The following TECRL variants were observed in gnomAD, a reference collection of about 807,000 sequenced individuals.
The protein encoded by TECRL is trans-2,3-enoyl-CoA reductase-like.
A neutral mutation model predicts 52.8 loss-of-function variants in TECRL; 63 were observed. The observed-to-expected ratio is 1.19, with a 90% confidence interval of 0.97 to 1.47. The LOEUF is 1.47. Among genes scored for constraint, TECRL ranks in the 40% most tolerant of loss-of-function variants. The probability of loss-of-function intolerance (pLI) is 0.00; values close to 1 mark genes in which losing one functional copy is unlikely to be tolerated. For synonymous variants in TECRL, 164 were observed against 141.9 expected, an observed-to-expected ratio of 1.16 and a Z score of -1.10; for missense variants, 482 against 429.6, an observed-to-expected ratio of 1.12 and a Z score of -1.08.
chr4:64,338,087 T>C (rs1719251577), intron 2 of TECRL, among the ~76,000 whole-genome samples: 1 of 152,026 alleles, frequency 6.6e-6, no homozygotes, highest in Non-Finnish European at 1.5e-5. Flanking sequence ...AAGAGAGATA[T>C]AGACCAATGG....
chr4:64,313,051 A>C (rs1031896911), intron 5 of TECRL, among the ~76,000 whole-genome samples: 1 of 152,078 alleles, frequency 6.6e-6, no homozygotes, highest in East Asian at 1.9e-4. Flanking sequence ...TTTTTTCTTT[A>C]TAAATTACTC....
intron 2 of TECRL, among the ~76,000 whole-genome samples, chr4:64,365,260 C>A (rs1251956569): frequency 6.6e-6 from 1 of 150,836 alleles, no homozygotes; most frequent in Non-Finnish European, 1.5e-5. Flanking sequence ...TAATGAAAAC[C>A]ATGTTTGCCA....
chr4:64,367,888 G>A (rs193047999), intron 2 of TECRL, among the ~76,000 whole-genome samples: 1 of 152,014 alleles, frequency 6.6e-6, no homozygotes, highest in East Asian at 1.9e-4. Flanking sequence ...TATCTCTTTT[G>A]TTATGCTCAA....
intron 9 of TECRL, among the ~76,000 whole-genome samples, chr4:64,283,960 A>G (rs944113617): frequency 1.3e-5 from 2 of 152,048 alleles, no homozygotes; most frequent in Admixed American, 1.3e-4. Context: ...TTATATCACA[A>G]TATAAACTAC....
At chr4:64,276,980 C>G, downstream of TECRL, 1 of 1,323,752 alleles carries the variant, frequency 7.6e-7, no homozygotes, top group Non-Finnish European at 1.0e-6. Context: ...ATACCTGTAG[C>G]ATTAATATTG....
At chr4:64,368,097 G>A (rs1721727509) in intron 2 of TECRL, among the ~76,000 whole-genome samples, 2 of 152,058 alleles carry the variant, frequency 1.3e-5, no homozygotes, top group African/African-American at 2.4e-5. Flanking sequence ...GGACCTTCCT[G>A]ACTAAAGTTC....
intron 6 of TECRL, 105 bp from the exon 7 acceptor site, chr4:64,305,343 A>C (rs1027170756): frequency 4.4e-6 from 4 of 912,244 alleles, no homozygotes; most frequent in Non-Finnish European, 6.8e-6. Flanking sequence ...TGAAACCACC[A>C]CATACATTTA....
Position 64,333,680 on chromosome 4 carries a change from A to G in TECRL, c.287-5124T>C, listed in dbSNP as rs963120260. 6.6e-5 allele frequency among the ~76,000 whole-genome samples: 10 copies of G among 152,156 alleles called. 1 individual carries two copies. Among genetic ancestry groups the G allele is most frequent in the Non-Finnish European group, 1.3e-4 (9 of 68,024 alleles). On this transcript the variant is annotated intron_variant, in intron 2 of 11. Transcript: ENST00000381210. ...CACAAAACAAAATTAAGGAATAGGA[A>G]GTATTAGTTGGGGAATGGAATGCTA...
downstream of TECRL, chr4:64,276,696 T>C: frequency 5.7e-6 from 1 of 176,626 alleles, no homozygotes; most frequent in Non-Finnish European, 1.2e-5. Flanking sequence ...GTTACTTAGA[T>C]ATGTGGCAAA....
chr4:64,397,475 G>A (rs1042465706), intron 1 of TECRL, among the ~76,000 whole-genome samples: 2 of 151,350 alleles, frequency 1.3e-5, no homozygotes, highest in African/African-American at 2.4e-5. Flanking sequence ...GGGAGGTGGC[G>A]CCTTTGTGAG....
intron 2 of TECRL, among the ~76,000 whole-genome samples, chr4:64,339,046 A>C (rs1236624461): frequency 1.3e-5 from 2 of 152,016 alleles, no homozygotes; most frequent in African/African-American, 4.8e-5. Context: ...ATGTCCAACA[A>C]TGATAGACTG....
intron 2 of TECRL, among the ~76,000 whole-genome samples, chr4:64,351,589 A>C (rs1720391879): frequency 6.6e-6 from 1 of 152,104 alleles, no homozygotes; most frequent in Non-Finnish European, 1.5e-5. Flanking sequence ...ACAACTTTAA[A>C]TTTTCCCAAT....
At chr4:64,375,837 T>C (rs971685283) in intron 1 of TECRL, among the ~76,000 whole-genome samples, 5 of 151,856 alleles carry the variant, frequency 3.3e-5, no homozygotes, top group African/African-American at 1.2e-4. Flanking sequence ...AAAAAATGAA[T>C]AAAATATTTT....
Position 64,409,299 on chromosome 4 carries a change from G to A in TECRL, c.53C>T (p.Ser18Phe). 1.2e-6 allele frequency: 2 copies of A among 1,613,818 alleles called. No homozygotes were observed. Among genetic ancestry groups the A allele is most frequent in the African/African-American group, 1.3e-5 (1 of 75,008 alleles). ...CAGTATGAACCGTGTAGCTCTTTGGGAAAGTAATGCTCTCTTGCGTTCCGA... is the reference window on the plus strand; with the variant it reads ...CAGTATGAACCGTGTAGCTCTTTGGAAAAGTAATGCTCTCTTGCGTTCCGA... ...LASERKRALL[S>F]QRATRFILKD... Residue 18 changes from serine (S) to phenylalanine (F), a missense_variant, in exon 1 of 12, where the codon TCC (serine) becomes TTC (phenylalanine). By Grantham distance (155) the Ser-to-Phe change is radical. Coordinates refer to ENST00000381210, the MANE Select transcript of TECRL (RefSeq NM_001010874.5).
At chr4:64,310,263 G>T (rs545527109) in intron 5 of TECRL, among the ~76,000 whole-genome samples, 14 of 152,070 alleles carry the variant, frequency 9.2e-5, no homozygotes, top group Non-Finnish European at 1.8e-4. Flanking sequence ...GAAATACTTC[G>T]ACTGAAACAG....
intron 2 of TECRL, among the ~76,000 whole-genome samples, chr4:64,351,984 C>G (rs1369030017): frequency 1.6e-5 from 2 of 123,076 alleles, no homozygotes; most frequent in Non-Finnish European, 3.7e-5. Context: ...GCATTTGGAT[C>G]AAGGCCTACC....
At chr4:64,308,188 A>G (rs1560486387) in intron 6 of TECRL, among the ~76,000 whole-genome samples, 1 of 152,176 alleles carries the variant, frequency 6.6e-6, no homozygotes, top group East Asian at 1.9e-4. Flanking sequence ...GACAATGCCT[A>G]CAAGAACACA....
At chr4:64,395,169 C>T (rs934568091) in intron 1 of TECRL, among the ~76,000 whole-genome samples, 7 of 151,996 alleles carry the variant, frequency 4.6e-5, no homozygotes, top group Admixed American at 3.3e-4. Context: ...ATCCTCCTGT[C>T]TCAGCCCCCC....
chr4:64,320,488 G>A (rs1717826922), intron 4 of TECRL, among the ~76,000 whole-genome samples: 1 of 151,942 alleles, frequency 6.6e-6, no homozygotes, highest in African/African-American at 2.4e-5. Flanking sequence ...GTGATCCATG[G>A]GGTTGATGTA....
Sources: gnomAD v4.1 joint callset for allele counts (sites outside exome capture counted in the v4.1 genomes callset) on GRCh38, gnomAD v4.1.1 for gene constraint, MANE v1.5 for transcripts, NCBI Gene and HGNC (gene_info 2026-07-23, HGNC 2026-07-21) for gene names.